The following CENPF variants were observed in gnomAD, a reference collection of about 807,000 sequenced individuals.
CENPF encodes the protein centromere protein F.
In CENPF, 214 loss-of-function variants were observed where a neutral mutation model predicts 307.3. The ratio of observed to expected loss-of-function variants is 0.70; its 90% CI spans 0.62 to 0.78. The LOEUF (loss-of-function observed/expected upper bound fraction) is 0.78. Ranked by LOEUF, CENPF falls within the 30% of genes least tolerant of loss-of-function variation. The pLI, the probability that CENPF is intolerant of heterozygous loss-of-function variation, is 0.00. For synonymous variants in CENPF, 1,259 were observed against 1,270.6 expected, an observed-to-expected ratio of 0.99 and a Z score of 0.19; for missense variants, 3,401 against 3,483.9, an observed-to-expected ratio of 0.98 and a Z score of 0.60.
chr1:214,615,704 C>T (rs530146986), intron 3 of CENPF, among the ~76,000 whole-genome samples: 4 of 152,102 alleles, frequency 2.6e-5, no homozygotes, highest in Admixed American at 6.6e-5. Flanking sequence ...TTTAGGAGGC[C>T]GAGGCAAGTG....
chr1:214,652,369 G>A (rs1020466259), intron 15 of CENPF, among the ~76,000 whole-genome samples: 2 of 151,410 alleles, frequency 1.3e-5, no homozygotes, highest in African/African-American at 4.9e-5. Context: ...TTTCCATTTT[G>A]GAGTAGAATA....
At chr1:214,634,687 A>G (rs1288769750) in intron 10 of CENPF, among the ~76,000 whole-genome samples, 1 of 152,200 alleles carries the variant, frequency 6.6e-6, no homozygotes, top group African/African-American at 2.4e-5. Flanking sequence ...TTTTGATGTT[A>G]GCATTGTTTG....
At chr1:214,632,642 G>T (rs758040903) in intron 10 of CENPF, 40 bp downstream of exon 10, 26 of 1,606,446 alleles carry the variant, frequency 1.6e-5, no homozygotes, top group Non-Finnish European at 2.1e-5. Flanking sequence ...ACTTATGTAA[G>T]AACCAAGTGC....
intron 12 of CENPF, among the ~76,000 whole-genome samples, chr1:214,643,551 T>C (rs1658196758): frequency 6.6e-6 from 1 of 151,438 alleles, no homozygotes; most frequent in African/African-American, 2.5e-5. Flanking sequence ...CATAGCATTA[T>C]ATAGAATATT....
intron 1 of CENPF, among the ~76,000 whole-genome samples, chr1:214,611,013 C>T (rs546143513): frequency 3.3e-4 from 50 of 151,932 alleles, no homozygotes; most frequent in African/African-American, 1.1e-3. Context: ...TATTTCTGGG[C>T]TCTCTATTAT....
rs772232835 is a variant in CENPF, at chr1:214,646,584, G to A, written c.7014G>A (p.Val2338=). The A allele has an allele frequency of 3.7e-6, 6 of 1,614,080 alleles. No individual in the cohort carries two copies. Among genetic ancestry groups the A allele is most frequent in the East Asian group, 2.2e-5 (1 of 44,858 alleles). Residue 2338 remains valine (V), a synonymous_variant, in exon 13 of 20, where the codon GTG becomes GTA. Coordinates refer to ENST00000366955, the MANE Select transcript of CENPF (RefSeq NM_016343.4). ...ATGCAGATTTACTTAAGGGTAGAGT[G>A]GAGAACCTTGAAAGAGAGCTAGAGA... ...EHHADLLKGR[V]ENLERELEIA...
At chr1:214,660,682 C>G (rs927377365) in intron 19 of CENPF, among the ~76,000 whole-genome samples, 1 of 152,168 alleles carries the variant, frequency 6.6e-6, no homozygotes, top group Non-Finnish European at 1.5e-5. Context: ...AACATCCATT[C>G]CTGTTTGTCT....
rs562525803 is a variant in CENPF, at chr1:214,631,726, C to G, written c.1324-754C>G. ...GGTTGGCCAGGCTGGCCTCAAACTC[C>G]TAACCTCAGGTGATCTGCCCACCTT... On this transcript the variant is annotated intron_variant, in intron 9 of 19. Transcript: ENST00000366955. 2.0e-5 allele frequency among the ~76,000 whole-genome samples: 3 copies of G among 152,290 alleles called. No homozygotes were observed. In the South Asian group the frequency reaches 6.2e-4, roughly 32 times the overall value.
intron 1 of CENPF, chr1:214,605,780 G>A (rs1274562432): frequency 6.3e-7 from 1 of 1,592,486 alleles, no homozygotes; most frequent in Non-Finnish European, 8.5e-7. Context: ...CACCCACAGC[G>A]GCTCCACCGC....
rs780381347 is a variant in CENPF at position 214,629,077 on chromosome 1, T to C, written c.1100T>C (p.Leu367Ser). Reference protein sequence around the residue: ...YTALEQKLKKLTEDLSCQRQN... With the variant: ...YTALEQKLKKSTEDLSCQRQN... ...GCATTGGAACAAAAACTGAAAAAAT[T>C]GACGGAAGATTTGAGTTGTCAGCGA... The change falls in exon 8 of 20, where the codon TTG becomes TCG. Residue 367 changes from leucine to serine, a missense_variant. By Grantham distance (145) the Leu-to-Ser change is moderately radical (BLOSUM62 -2). Transcript: ENST00000366955. 3.1e-6 allele frequency: 5 copies of C among 1,610,778 alleles called. No homozygotes were observed. The South Asian group carries it at 5.5e-5, about 18-fold the overall frequency.
intron 1 of CENPF, chr1:214,605,473 A>G: frequency 5.7e-6 from 3 of 529,012 alleles, no homozygotes; most frequent in Non-Finnish European, 1.0e-5. Context: ...TAAATCTTTA[A>G]TTTCTGTTTT....
Position 214,610,019 on chromosome 1 carries a change from C to CT in CENPF, c.-41-3677dup, listed in dbSNP as rs34695664. 8.3e-3 allele frequency among the ~76,000 whole-genome samples: 1,088 copies of CT among 130,322 alleles called. 36 individuals carry two copies. The East Asian group carries it at 0.12, about 15-fold the overall frequency. The allele number at this position is 130,322 out of a possible 152,430, so 85.5% of individuals were successfully genotyped here. Reference sequence around the variant, plus strand: ...AATGAACATTTGTGTGTGCATGTGCCTTTTTTTTTTTTTTTTTTGGTAGAT... The same window carrying CT: ...AATGAACATTTGTGTGTGCATGTGCCTTTTTTTTTTTTTTTTTTTGGTAGAT... On this transcript the variant is annotated intron_variant, in intron 1 of 19. Coordinates refer to ENST00000366955, the MANE Select transcript of CENPF (RefSeq NM_016343.4).
At chr1:214,651,630 T>C (rs1658462699) in intron 14 of CENPF, 80 bp from the exon 15 acceptor site, 1 of 1,079,752 alleles carries the variant, frequency 9.3e-7, no homozygotes. Flanking sequence ...TTCTACACAG[T>C]ACACATTATT....
rs1372287112 is a variant in CENPF at position 214,640,054 on chromosome 1, C to T, written c.1716C>T (p.Asp572=). The T allele has an allele frequency of 2.5e-6, 4 of 1,601,984 alleles. No homozygotes were observed. The highest frequency in any genetic ancestry group is 1.7e-4 in the Middle Eastern group (1 of 5,982). ...AAAAGCAGCGAGATTGTTCTCAAGA[C>T]CTTTTGAAGAAAAGAGAACATCACA... is the stretch of plus-strand genomic sequence containing the variant. ...DLEKQRDCSQ[D]LLKKREHHIE... The change falls in exon 12 of 20, where the codon GAC becomes GAT. Residue 572 remains aspartate (D), a synonymous_variant. Coordinates refer to ENST00000366955, the MANE Select transcript of CENPF (RefSeq NM_016343.4).
intron 6 of CENPF, 40 bp downstream of exon 6, chr1:214,620,986 G>T: frequency 1.3e-6 from 2 of 1,545,966 alleles, no homozygotes. Flanking sequence ...CACTTTGCTT[G>T]AGGTAATTTC....
intron 1 of CENPF, among the ~76,000 whole-genome samples, chr1:214,609,083 C>A (rs1657126395): frequency 6.6e-6 from 1 of 151,680 alleles, no homozygotes; most frequent in Admixed American, 6.6e-5. Flanking sequence ...GAAGCCCACC[C>A]CGGCCCGCGC....
At position 214,629,516 on chromosome 1, in the gene CENPF, A is replaced by C. The variant is rs138597251; in HGVS notation, c.1194+345A>C. 3.6e-3 allele frequency among the ~76,000 whole-genome samples: 547 copies of C among 151,666 alleles called. 2 individuals carry two copies. Among genetic ancestry groups the C allele is most frequent in the African/African-American group, 0.013 (535 of 41,408 alleles). On this transcript the variant is annotated intron_variant, in intron 8 of 19. Coordinates refer to ENST00000366955, the MANE Select transcript of CENPF (RefSeq NM_016343.4). The stretch of plus-strand genomic sequence containing the variant: ...TATTACATTTTCCAGTAGGCTTTTA[A>C]AATTTTTTTTTCTTTCACTCTATTT...
Position 214,641,332 on chromosome 1 carries a change from G to C in CENPF, c.2994G>C (p.Glu998Asp). Residue 998 changes from glutamate (E) to aspartate (D), a missense_variant, in exon 12 of 20, where the codon GAG (glutamate) becomes GAC (aspartate). Coordinates refer to ENST00000366955, the MANE Select transcript of CENPF (RefSeq NM_016343.4). The part of the protein sequence containing the change: ...QEKMNLIQKS[E>D]SFANYIDERE... Reference sequence around the variant, plus strand: ...AGATGAACTTAATCCAGAAAAGTGAGAGTTTTGCAAACTATATAGATGAAA... The same window carrying C: ...AGATGAACTTAATCCAGAAAAGTGACAGTTTTGCAAACTATATAGATGAAA... The C allele has an allele frequency of 6.2e-7, 1 of 1,612,428 alleles. No individual in the cohort carries two copies. Among genetic ancestry groups the C allele is most frequent in the Non-Finnish European group, 8.5e-7 (1 of 1,179,626 alleles).
At position 214,619,233 on chromosome 1, in the gene CENPF, TG is replaced by T; in HGVS notation, c.573+16del. 7.7e-7 allele frequency: 1 copy of T among 1,300,842 alleles called. No homozygotes were observed. Among genetic ancestry groups the T allele is most frequent in the Non-Finnish European group, 1.1e-6 (1 of 905,856 alleles). 80.6% of individuals were successfully genotyped at this position (1,300,842 alleles called of 1,614,324 possible). A position where few individuals can be genotyped will look rare whatever the true frequency, so the allele number is the denominator to read the frequency against. ...CTTGCAGGCTAAAGTAAGTTAATTA[TG>T]GGCCCTATAATAGAGTATGCAGTTA... On this transcript the variant is annotated intron_variant, in intron 5 of 19. Coordinates refer to ENST00000366955, the MANE Select transcript of CENPF (RefSeq NM_016343.4).
Sources: allele counts gnomAD v4.1 joint callset (sites outside exome capture counted in the v4.1 genomes callset), GRCh38; gene constraint gnomAD v4.1.1; transcripts MANE v1.5; gene names NCBI Gene and HGNC (gene_info 2026-07-23, HGNC 2026-07-21).